CHRNA2: variants seen among roughly 807,000 people sequenced by gnomAD.
CHRNA2 encodes the protein neuronal acetylcholine receptor subunit alpha-2.
Under a neutral mutation model 45.5 loss-of-function variants are expected in CHRNA2, and 40 were observed. The observed-to-expected ratio is 0.88, with a 90% CI of 0.68 to 1.15. The LOEUF is 1.15. CHRNA2 is among the 50% of genes most tolerant of loss of function. The pLI is 0.00. For missense variants in CHRNA2, 655 were observed against 701.7 expected, an observed-to-expected ratio of 0.93 and a Z score of 0.75; for synonymous variants, 301 against 296.7, an observed-to-expected ratio of 1.01 and a Z score of -0.15.
intron 1 of CHRNA2, among the ~76,000 whole-genome samples, chr8:27,472,786 T>C (rs572238839): frequency 2.0e-5 from 3 of 152,234 alleles, no homozygotes; most frequent in African/African-American, 7.2e-5. Context: ...ACACTTTAAA[T>C]GGGGGAATTT....
chr8:27,465,117 G>T (rs1211451881), intron 5 of CHRNA2, among the ~76,000 whole-genome samples: 1 of 152,172 alleles, frequency 6.6e-6, no homozygotes, highest in Non-Finnish European at 1.5e-5. Context: ...TGAATCAGGG[G>T]TATCGTGGGA....
At position 27,460,149 on chromosome 8, in the gene CHRNA2, G is replaced by A. The variant is rs113471592; in HGVS notation, c.*1480C>T. 3,941 of 152,346 alleles carry A rather than the reference G, an allele frequency of 0.026. 177 individuals are homozygous for A. Among genetic ancestry groups the A allele is most frequent in the African/African-American group, 0.09 (3,727 of 41,538 alleles). 9.4% of individuals were successfully genotyped at this position (152,346 alleles called of 1,614,324 possible). A position where few individuals can be genotyped will look rare whatever the true frequency, so the allele number is the denominator to read the frequency against. On this transcript the variant is annotated 3_prime_UTR_variant, in exon 7 of 7. Transcript: ENST00000407991. ...CGCCCTGCTCGGCTTCCTGCCTGGAGCCTCCATGCTGTCCCGAGAACCCGA... is the reference window on the plus strand; with the variant it reads ...CGCCCTGCTCGGCTTCCTGCCTGGAACCTCCATGCTGTCCCGAGAACCCGA...
At position 27,463,225 on chromosome 8, in the gene CHRNA2, G is replaced by A. The variant is rs749199596; in HGVS notation, c.1218C>T (p.Ser406=). Reference sequence around the variant, plus strand: ...CCTCCCTCTCCTCGGCATCCACGTTGCTCTCCAGCCAGTGATAAGAGGGGC... The same window carrying A: ...CCTCCCTCTCCTCGGCATCCACGTTACTCTCCAGCCAGTGATAAGAGGGGC... ...KLSPSYHWLE[S]NVDAEEREVV... is the part of the protein sequence containing the mutation. The change falls in exon 6 of 7, where the codon AGC becomes AGT. Residue 406 remains serine, a synonymous_variant. Transcript: ENST00000407991. This position sits in a 1 kb window ranked among gnomAD's most constrained non-coding sequence, Gnocchi z 6.1. 6.3e-7 allele frequency: 1 copy of A among 1,591,204 alleles called. No individual in the cohort carries two copies. Among genetic ancestry groups the A allele is most frequent in the African/African-American group, 1.3e-5 (1 of 74,568 alleles).
intron 2 of CHRNA2, among the ~76,000 whole-genome samples, chr8:27,470,320 G>T (rs1422625670): frequency 1.3e-5 from 2 of 152,120 alleles, no homozygotes; most frequent in African/African-American, 2.4e-5. Context: ...CCTGGTCTAC[G>T]TGGCGGGGCT....
At chr8:27,477,305 G>A (rs377235488) in intron 1 of CHRNA2, 1 of 152,150 alleles carries the variant, frequency 6.6e-6, no homozygotes, top group East Asian at 1.9e-4. Flanking sequence ...GATTCTAGCA[G>A]GTTCCTCTAG....
chr8:27,474,027 T>C (rs1812985025), intron 1 of CHRNA2, among the ~76,000 whole-genome samples: 1 of 152,136 alleles, frequency 6.6e-6, no homozygotes. Context: ...AAGATAAAGA[T>C]TGGACACTTT....
rs764346961 is a variant in CHRNA2 at position 27,463,267 on chromosome 8, G to T, written c.1176C>A (p.Pro392=). 1 of 1,605,876 alleles carries T rather than the reference G, an allele frequency of 6.2e-7. No individual in the cohort carries two copies. Among genetic ancestry groups the T allele is most frequent in the Non-Finnish European group, 8.5e-7 (1 of 1,174,252 alleles). ...AAGAGGGGCTGAGCTTCAGGCGTAG[G>T]GGGTGGCAGAGCTCCACGGGTGGTG... is the stretch of plus-strand genomic sequence containing the variant. The part of the protein sequence containing the change: ...RPPPPVELCH[P]LRLKLSPSYH... Residue 392 remains proline, a synonymous_variant, in exon 6 of 7, where the codon CCC becomes CCA. Transcript: ENST00000407991. The surrounding 1 kb of genome is among the most constrained non-coding windows in gnomAD (Gnocchi z 6.1).
rs140159249 is a variant in CHRNA2, at chr8:27,469,343, G to C, written c.331C>G (p.Leu111Val). The change falls in exon 4 of 7, where the codon CTA (leucine) becomes GTA (valine). Residue 111 changes from leucine (L) to valine (V), a missense_variant. Transcript: ENST00000407991. ...KNQMMTTNVW[L>V]KQEWSDYKLR... is the part of the protein sequence containing the mutation. ...AGGAGGGGGGCCCTCACCTGTTTTA[G>C]CCAGACGTTGGTGGTCATCATTTGG... 11 of 1,556,248 alleles carry C rather than the reference G, an allele frequency of 7.1e-6. No individual in the cohort carries two copies. Among genetic ancestry groups the C allele is most frequent in the Non-Finnish European group, 8.7e-6 (10 of 1,149,262 alleles).
Position 27,461,471 on chromosome 8 carries a change from G to A in CHRNA2, c.*158C>T, listed in dbSNP as rs1013326490. On this transcript the variant is annotated 3_prime_UTR_variant, in exon 7 of 7. Coordinates refer to ENST00000407991, the MANE Select transcript of CHRNA2 (RefSeq NM_000742.4). ...AGGCTGTCAGCCCTGGTACAATAACGTTAAGCTGGATGGAAGCCTGCAATC... is the reference window on the plus strand; with the variant it reads ...AGGCTGTCAGCCCTGGTACAATAACATTAAGCTGGATGGAAGCCTGCAATC... 54 of 1,046,162 alleles carry A rather than the reference G, an allele frequency of 5.2e-5. No individual in the cohort carries two copies. The East Asian group carries it at 7.5e-4, about 15-fold the overall frequency. The allele number at this position is 1,046,162 out of a possible 1,614,324, so 64.8% of individuals were successfully genotyped here. A position where few individuals can be genotyped will look rare whatever the true frequency, so the allele number is the denominator to read the frequency against.
chr8:27,473,341 T>G (rs1463285911), intron 1 of CHRNA2, among the ~76,000 whole-genome samples: 1 of 152,146 alleles, frequency 6.6e-6, no homozygotes, highest in Non-Finnish European at 1.5e-5. Context: ...TAACGATCAA[T>G]TTTATGTTAT....
chr8:27,476,576 A>G (rs1173476364), intron 1 of CHRNA2, among the ~76,000 whole-genome samples: 1 of 152,214 alleles, frequency 6.6e-6, no homozygotes, highest in African/African-American at 2.4e-5. Flanking sequence ...CAAACACCTG[A>G]CAATCACAAA....
intron 5 of CHRNA2, among the ~76,000 whole-genome samples, chr8:27,465,485 G>T (rs145391792): frequency 2.1e-3 from 316 of 152,244 alleles, no homozygotes; most frequent in Admixed American, 3.0e-3. Flanking sequence ...GGGCTGGAGT[G>T]CAGGGGTGTG....
At chr8:27,468,431 C>T (rs1036612280) in intron 4 of CHRNA2, among the ~76,000 whole-genome samples, 3 of 152,224 alleles carry the variant, frequency 2.0e-5, no homozygotes, top group Non-Finnish European at 4.4e-5. Flanking sequence ...CCGACCTAAG[C>T]GGGATCTGTG....
In CHRNA2 at chr8:27,464,006, G is replaced by A; in HGVS notation, c.450-13C>T. The A allele has an allele frequency of 6.2e-7, 1 of 1,613,900 alleles. No individual in the cohort carries two copies. Among genetic ancestry groups the A allele is most frequent in the Non-Finnish European group, 8.5e-7 (1 of 1,179,974 alleles). On this transcript the variant is annotated splice_polypyrimidine_tract_variant and intron_variant, in intron 5 of 6. Transcript: ENST00000407991. The stretch of plus-strand genomic sequence containing the variant: ...CTCCCCATCTGCACTGAGAAGAGGA[G>A]AGGAGCTGGGGAGACCCCTGCACAC...
chr8:27,463,524 G>GT lies in CHRNA2; in HGVS notation c.918dup (p.Leu307ThrfsTer10). 6.2e-7 allele frequency: 1 copy of GT among 1,614,234 alleles called. No homozygotes were observed. The stretch of plus-strand genomic sequence containing the variant: ...GTGATGAGCAGCAGGAAGACGGTGA[G>GT]TGACAGCAGCACCGAAATGCACAGC... On this transcript the variant is annotated frameshift_variant, in exon 6 of 7. Coordinates refer to ENST00000407991, the MANE Select transcript of CHRNA2 (RefSeq NM_000742.4). LOFTEE classifies it high-confidence loss of function. This position sits in a 1 kb window ranked among gnomAD's most constrained non-coding sequence, Gnocchi z 6.1.
intron 4 of CHRNA2, 111 bp downstream of exon 4, chr8:27,469,224 T>C (rs1003641424): frequency 2.8e-6 from 3 of 1,089,500 alleles, no homozygotes; most frequent in East Asian, 5.2e-5. Context: ...GTAAACTAAG[T>C]TCAGGGTCTT....
intron 2 of CHRNA2, 48 bp from the exon 3 acceptor site, chr8:27,470,029 C>G (rs373218220): frequency 6.5e-7 from 1 of 1,548,816 alleles, no homozygotes; most frequent in Admixed American, 1.8e-5. Flanking sequence ...TCAGTTTGCT[C>G]ATCTGTAAAA....
At chr8:27,476,864 C>T (rs771565503) in intron 1 of CHRNA2, among the ~76,000 whole-genome samples, 1 of 152,112 alleles carries the variant, frequency 6.6e-6, no homozygotes, top group Non-Finnish European at 1.5e-5. Context: ...CCTAAAACGT[C>T]TTCCTAAGAA....
In CHRNA2 at chr8:27,467,206, C is replaced by A. The variant is rs200169352; in HGVS notation, c.449+23G>T. The A allele has an allele frequency of 6.3e-6, 10 of 1,590,346 alleles. No individual in the cohort carries two copies. The East Asian group carries it at 2.2e-4, about 36-fold the overall frequency. ...TGCAAGTTGGCCTCCCCTCATCCCC[C>A]CAGGACCCCAATGGCTTCCTACTTG... On this transcript the variant is annotated intron_variant, in intron 5 of 6. Transcript: ENST00000407991.
Sources: gnomAD v4.1 joint callset for allele counts (sites outside exome capture counted in the v4.1 genomes callset) on GRCh38, gnomAD v4.1.1 for gene constraint, Gnocchi (gnomAD v3.1) non-coding constraint, MANE v1.5 for transcripts, NCBI Gene and HGNC (gene_info 2026-07-23, HGNC 2026-07-21) for gene names.